Variants in TAP2 observed in about 807,000 individuals in gnomAD.
The protein encoded by TAP2 is transporter 2, ATP binding cassette subfamily B member, also known as antigen peptide transporter 2.
A neutral mutation model predicts 74.7 loss-of-function variants in TAP2; 49 were observed. That is an observed-to-expected ratio of 0.66 (90% CI 0.52 to 0.83). The LOEUF is 0.83. TAP2 is among the 40% of genes least tolerant of loss of function. The pLI is 0.00. For synonymous variants in TAP2, 306 were observed against 368.4 expected (o/e 0.83, Z 1.94); for missense variants, 739 against 859.0 (o/e 0.86, Z 1.75).
In TAP2 at chr6:32,827,222, T is replaced by G. The variant is rs1468321180; in HGVS notation, c.*1684A>C. The G allele has an allele frequency of 1.0e-6, 1 of 985,346 alleles. No individual in the cohort carries two copies. The highest frequency in any genetic ancestry group is 1.2e-6 in the Non-Finnish European group (1 of 829,938). 61.0% of individuals were successfully genotyped at this position (985,346 alleles called of 1,614,324 possible). A position where few individuals can be genotyped will look rare whatever the true frequency, so the allele number is the denominator to read the frequency against. ...GTTTCTCTTTCCTAGAATAGCAACT[T>G]TCCAAGGTAAGTCCCTCCCAACAAC... On this transcript the variant is annotated 3_prime_UTR_variant, in exon 12 of 12. Transcript: ENST00000374897.
chr6:32,830,159 A>G, intron 9 of TAP2, 70 bp from the exon 10 acceptor site: 1 of 1,612,174 alleles, frequency 6.2e-7, no homozygotes, highest in Non-Finnish European at 8.5e-7. Flanking sequence ...TGTCCTCCCC[A>G]CCTACCTCCC....
chr6:32,826,774 T>C lies in TAP2; in HGVS notation c.*2132A>G. On this transcript the variant is annotated 3_prime_UTR_variant, in exon 12 of 12. Coordinates refer to ENST00000374897, the MANE Select transcript of TAP2 (RefSeq NM_001290043.2). ...TTTGACTGTTGCATTATTTTTAAGA[T>C]GCCTTCCAGGCTTAAAGTATTATGA... The C allele has an allele frequency of 1.0e-6, 1 of 985,474 alleles. No individual in the cohort carries two copies. Among genetic ancestry groups the C allele is most frequent in the East Asian group, 1.1e-4 (1 of 8,826 alleles). The allele number at this position is 985,474 out of a possible 1,614,324, so 61.0% of individuals were successfully genotyped here. A position where few individuals can be genotyped will look rare whatever the true frequency, so the allele number is the denominator to read the frequency against.
chr6:32,825,403 A>C (rs570787011), downstream of TAP2: 64 of 152,322 alleles, frequency 4.2e-4, no homozygotes, highest in African/African-American at 1.4e-3. Flanking sequence ...GAAATATGGA[A>C]CTTCCATAAA....
downstream of TAP2, among the ~76,000 whole-genome samples, chr6:32,825,151 G>A (rs977764031): frequency 1.0e-5 from 1 of 98,774 alleles, no homozygotes; most frequent in Non-Finnish European, 2.3e-5. Flanking sequence ...TATATATGGA[G>A]AAACAGATAA....
In TAP2 at chr6:32,837,549, A is replaced by C; in HGVS notation, c.596T>G (p.Phe199Cys). The stretch of plus-strand genomic sequence containing the variant: ...GCCCACCACCTACCTGCCAAAGGAG[A>C]AGAGGCACATGAAGAAGATGGCACT... ...FASAIFFMCL[F>C]SFGSSLSAGC... The change falls in exon 3 of 12, where the codon TTC becomes TGC. Residue 199 changes from phenylalanine to cysteine, a missense_variant. Phe to Cys is a radical substitution (Grantham distance 205). Coordinates refer to ENST00000374897, the MANE Select transcript of TAP2 (RefSeq NM_001290043.2). 1.2e-6 allele frequency: 2 copies of C among 1,613,990 alleles called. No individual in the cohort carries two copies. The highest frequency in any genetic ancestry group is 1.7e-6 in the Non-Finnish European group (2 of 1,179,940).
At chr6:32,829,286 G>A (rs980156744) in intron 11 of TAP2, 114 bp downstream of exon 11, 1 of 1,502,038 alleles carries the variant, frequency 6.7e-7, no homozygotes, top group African/African-American at 1.4e-5. Flanking sequence ...AGAAGGCACA[G>A]ACTGTTTCCA....
At chr6:32,830,475 C>G in intron 8 of TAP2, 35 bp from the exon 9 acceptor site, 2 of 1,598,818 alleles carry the variant, frequency 1.3e-6, no homozygotes, top group African/African-American at 2.7e-5. Flanking sequence ...GGGCCTGCCC[C>G]TTCTCCCTCA....
chr6:32,829,678 G>A, intron 10 of TAP2, 142 bp from the exon 11 acceptor site: 1 of 1,373,892 alleles, frequency 7.3e-7, no homozygotes, highest in Non-Finnish European at 1.0e-6. Flanking sequence ...GTGGGAGGAG[G>A]GCCATGGGGT....
chr6:32,834,587 ATGTGGGTTTC>A (rs137955216), intron 5 of TAP2, among the ~76,000 whole-genome samples: 3,526 of 152,288 alleles, frequency 0.023, 79 homozygotes, highest in Non-Finnish European at 0.041. Context: ...CCCAATAACA[ATGTGGGTTTC>A]CTAAATGTCA....
Position 32,832,200 on chromosome 6 carries a change from C to A in TAP2, c.1272+133G>T, listed in dbSNP as rs1769122710. The A allele has an allele frequency of 1.5e-6, 2 of 1,313,198 alleles. No individual in the cohort carries two copies. Among genetic ancestry groups the A allele is most frequent in the African/African-American group, 1.5e-5 (1 of 68,002 alleles). The allele number at this position is 1,313,198 out of a possible 1,614,324, so 81.3% of individuals were successfully genotyped here. The stretch of plus-strand genomic sequence containing the variant: ...TCATTTTTGGCATATGTTTAAAATT[C>A]TCCATAGCAAAATTACTTGCGGGTT... On this transcript the variant is annotated intron_variant, in intron 7 of 11. Transcript: ENST00000374897. This position sits in a 1 kb window ranked among gnomAD's most constrained non-coding sequence, Gnocchi z 5.9.
At chr6:32,834,426 G>T (rs241432) in intron 5 of TAP2, among the ~76,000 whole-genome samples, 87,613 of 152,068 alleles carry the variant, frequency 0.58, 25,556 homozygotes, top group Non-Finnish European at 0.61. Flanking sequence ...GTACCGCACC[G>T]GGAGTCATCA....
chr6:32,830,415 C>A lies in TAP2; in HGVS notation c.1487G>T (p.Gly496Val), dbSNP rs1768989906. 6.2e-7 allele frequency: 1 copy of A among 1,612,956 alleles called. No individual in the cohort carries two copies. Among genetic ancestry groups the A allele is most frequent in the African/African-American group, 1.3e-5 (1 of 74,924 alleles). Residue 496 changes from glycine (G) to valine (V), a missense_variant, in exon 9 of 12, where the codon GGT becomes GTT. Coordinates refer to ENST00000374897, the MANE Select transcript of TAP2 (RefSeq NM_001290043.2). ...GGGTCCCACCAGCGCCGTCACCTCA[C>A]CAGGACGTAGGGTAAACGTCAGCCC... ...LKGLTFTLRP[G>V]EVTALVGPNG... is the part of the protein sequence containing the mutation.
intron 5 of TAP2, among the ~76,000 whole-genome samples, chr6:32,834,194 C>T (rs1196584368): frequency 6.6e-6 from 1 of 152,182 alleles, no homozygotes; most frequent in Non-Finnish European, 1.5e-5. Flanking sequence ...CTCATGTCCA[C>T]AGCAGCATAA....
rs982186467 is a variant in TAP2, at chr6:32,826,804, T to C, written c.*2102A>G. On this transcript the variant is annotated 3_prime_UTR_variant, in exon 12 of 12. Coordinates refer to ENST00000374897, the MANE Select transcript of TAP2 (RefSeq NM_001290043.2). ...TCCAGGCTTAAAGTATTATGATGCA[T>C]GGGTATAACTGTACTGAGGAAATCA... 18 of 985,320 alleles carry C rather than the reference T, an allele frequency of 1.8e-5. No individual in the cohort carries two copies. The Admixed American group carries it at 1.1e-3, about 61-fold the overall frequency. 61.0% of individuals were successfully genotyped at this position (985,320 alleles called of 1,614,324 possible).
chr6:32,829,410 CA>C lies in TAP2; in HGVS notation c.1921del (p.Cys641AlafsTer18), dbSNP rs755891799. 5.0e-6 allele frequency: 8 copies of C among 1,602,724 alleles called. No individual in the cohort carries two copies. The highest frequency in any genetic ancestry group is 6.8e-6 in the Non-Finnish European group (8 of 1,174,282). Reference sequence around the variant, plus strand: ...TCTCACGGTACTCACGGCCTGCTCGCACTGCACATCTAGGGCACTAGTAGCC... The same window carrying C: ...TCTCACGGTACTCACGGCCTGCTCGCCTGCACATCTAGGGCACTAGTAGCC... ...DEATSALDVQ[C>X]EQALQDWNSR... On this transcript the variant is annotated frameshift_variant, in exon 11 of 12. Transcript: ENST00000374897. LOFTEE classifies it high-confidence loss of function.
At chr6:32,824,279 C>G (rs763831803), downstream of TAP2, among the ~76,000 whole-genome samples, 1 of 151,938 alleles carries the variant, frequency 6.6e-6, no homozygotes, top group Non-Finnish European at 1.5e-5. Context: ...TAATGGCTGT[C>G]TTTGTTTTTA....
chr6:32,832,186 A>G lies in TAP2; in HGVS notation c.1272+147T>C. 5 of 1,100,326 alleles carry G rather than the reference A, an allele frequency of 4.5e-6. No individual in the cohort carries two copies. In the South Asian group the frequency reaches 7.2e-5, roughly 16 times the overall value. The allele number at this position is 1,100,326 out of a possible 1,614,324, so 68.2% of individuals were successfully genotyped here. A position where few individuals can be genotyped will look rare whatever the true frequency, so the allele number is the denominator to read the frequency against. On this transcript the variant is annotated intron_variant, in intron 7 of 11. Transcript: ENST00000374897. This position sits in a 1 kb window ranked among gnomAD's most constrained non-coding sequence, Gnocchi z 5.9. ...AATATTATTTTGTCTCATTTTTGGCATATGTTTAAAATTCTCCATAGCAAA... is the reference window on the plus strand; with the variant it reads ...AATATTATTTTGTCTCATTTTTGGCGTATGTTTAAAATTCTCCATAGCAAA...
chr6:32,822,302 A>G (rs1199215559), downstream of TAP2: 6 of 1,555,836 alleles, frequency 3.9e-6, no homozygotes, highest in Non-Finnish European at 5.3e-6. Flanking sequence ...AAATATCATG[A>G]ACTTCCAAAG....
rs775446813 is a variant in TAP2, at chr6:32,838,137, G to C, written c.97C>G (p.Gln33Glu). The C allele has an allele frequency of 1.0e-4, 168 of 1,608,196 alleles. No homozygotes were observed. The highest frequency in any genetic ancestry group is 1.4e-4 in the Non-Finnish European group (163 of 1,177,140). The change falls in exon 2 of 12, where the codon CAA becomes GAA. Residue 33 changes from glutamine to glutamate, a missense_variant. Gln to Glu is a conservative substitution (Grantham distance 29). Transcript: ENST00000374897. The stretch of plus-strand genomic sequence containing the variant: ...TCCAGCCATAGTCCTGGCAGCCCTT[G>C]AGGAAGCAAAGTCCCCAGAGGGCCC... ...LQGPLGTLLP[Q>E]GLPGLWLEGT...
Sources: gnomAD v4.1 joint callset for allele counts (sites outside exome capture counted in the v4.1 genomes callset) on GRCh38, gnomAD v4.1.1 for gene constraint, Gnocchi (gnomAD v3.1) non-coding constraint, MANE v1.5 for transcripts, NCBI Gene and HGNC (gene_info 2026-07-23, HGNC 2026-07-21) for gene names.